DAZAP1: variants seen among roughly 807,000 people sequenced by gnomAD.
DAZAP1 encodes the protein DAZ-associated protein 1.
Under a neutral mutation model 60.1 loss-of-function variants are expected in DAZAP1, and 6 were observed. That is an observed-to-expected ratio of 0.10 (90% CI 0.05 to 0.20). The LOEUF (loss-of-function observed/expected upper bound fraction) is 0.20, where lower values mean the gene tolerates loss of function less well. DAZAP1 is among the 10% of genes least tolerant of loss of function. The pLI, the probability that DAZAP1 is intolerant of heterozygous loss-of-function variation, is 1.00. For synonymous variants in DAZAP1, 235 were observed against 215.9 expected (o/e 1.09, Z -0.78); for missense variants, 366 against 560.4 (o/e 0.65, Z 3.50).
chr19:1,428,867 G>C lies in DAZAP1; in HGVS notation c.572G>C (p.Arg191Pro). Reference protein sequence around the residue: ...KKVEVKRAEPRDSKSQAPGQP... With the variant: ...KKVEVKRAEPPDSKSQAPGQP... ...GTGGAAGTTAAACGAGCTGAGCCTC[G>C]GGACAGCAAGAGCCAAGCGCCGGGA... is the stretch of plus-strand genomic sequence containing the variant. The change falls in exon 8 of 12, where the codon CGG (arginine) becomes CCG (proline). Residue 191 changes from arginine to proline, a missense_variant. Physicochemically the swap from Arg to Pro is moderately radical, Grantham distance 103. Around this residue, in one of 3 missense-constraint regions of DAZAP1, gnomAD observed 240 missense variants for 308.8 expected, o/e 0.78. Coordinates refer to ENST00000233078, the MANE Select transcript of DAZAP1 (RefSeq NM_018959.4). This position sits in a 1 kb window ranked among gnomAD's most constrained non-coding sequence, Gnocchi z 4.0. The C allele has an allele frequency of 6.2e-7, 1 of 1,613,046 alleles. No individual in the cohort carries two copies. The highest frequency in any genetic ancestry group is 8.5e-7 in the Non-Finnish European group (1 of 1,179,878).
Position 1,418,223 on chromosome 19 carries a change from T to C in DAZAP1, c.90T>C (p.Phe30=). The C allele has an allele frequency of 6.2e-7, 1 of 1,614,176 alleles. No individual in the cohort carries two copies. Among genetic ancestry groups the C allele is most frequent in the Non-Finnish European group, 8.5e-7 (1 of 1,179,994 alleles). ...GAGCAGAGACTCTGCGCAGCTACTT[T>C]TCCCAATATGGAGAAGTCGTAGATT... ...STTQETLRSY[F]SQYGEVVDCV... Residue 30 remains phenylalanine (F), a synonymous_variant, in exon 3 of 12, where the codon TTT becomes TTC. Transcript: ENST00000233078. This position sits in a 1 kb window ranked among gnomAD's most constrained non-coding sequence, Gnocchi z 5.7.
rs3065755 is a variant in DAZAP1, at chr19:1,413,989, CTGTGTGTGTGTGTGTGTG to C, written c.30-3485_30-3468del. 2.7e-3 allele frequency among the ~76,000 whole-genome samples: 356 copies of C among 130,156 alleles called. 1 individual carries two copies. The highest frequency in any genetic ancestry group is 8.8e-3 in the African/African-American group (298 of 33,972). 85.4% of individuals were successfully genotyped at this position (130,156 alleles called of 152,430 possible). A position where few individuals can be genotyped will look rare whatever the true frequency, so the allele number is the denominator to read the frequency against. Reference sequence around the variant, plus strand: ...TGCCTCTTGCCCCACCCCCAGTGAACTGTGTGTGTGTGTGTGTGTGTGTGTGTGTGTGTGTGTGTGTGT... The same window carrying C: ...TGCCTCTTGCCCCACCCCCAGTGAACTGTGTGTGTGTGTGTGTGTGTGTGT... On this transcript the variant is annotated intron_variant, in intron 1 of 11. Transcript: ENST00000233078.
rs1168455091 is a variant in DAZAP1 at position 1,432,599 on chromosome 19, A to C, written c.957A>C (p.Ala319=). ...CTCCACCAGCCACTCCCGGGGCAGCACCTCTGGCTTTCCCACCGCCTCCGT... is the reference window on the plus strand; with the variant it reads ...CTCCACCAGCCACTCCCGGGGCAGCCCCTCTGGCTTTCCCACCGCCTCCGT... ...VPPPPATPGA[A]PLAFPPPPSQ... The change falls in exon 11 of 12, where the codon GCA becomes GCC. Residue 319 remains alanine (A), a synonymous_variant. Coordinates refer to ENST00000233078, the MANE Select transcript of DAZAP1 (RefSeq NM_018959.4). The surrounding 1 kb of genome is among the most constrained non-coding windows in gnomAD (Gnocchi z 4.9). 1 of 1,613,428 alleles carries C rather than the reference A, an allele frequency of 6.2e-7. No homozygotes were observed. Among genetic ancestry groups the C allele is most frequent in the South Asian group, 1.1e-5 (1 of 91,058 alleles).
Position 1,434,922 on chromosome 19 carries a change from C to G in DAZAP1, c.*10C>G. On this transcript the variant is annotated 3_prime_UTR_variant, in exon 12 of 12. Transcript: ENST00000233078. The surrounding 1 kb of genome is among the most constrained non-coding windows in gnomAD (Gnocchi z 8.0). Reference sequence around the variant, plus strand: ...CCCCTACCGACGCTAGCCCGCGGCGCCGCGACGTCTGCACGGCCCAGACCC... The same window carrying G: ...CCCCTACCGACGCTAGCCCGCGGCGGCGCGACGTCTGCACGGCCCAGACCC... The G allele has an allele frequency of 7.0e-7, 1 of 1,432,196 alleles. No individual in the cohort carries two copies. Among genetic ancestry groups the G allele is most frequent in the East Asian group, 2.9e-5 (1 of 34,666 alleles). The allele number at this position is 1,432,196 out of a possible 1,614,324, so 88.7% of individuals were successfully genotyped here.
At chr19:1,429,798 G>A (rs963885302) in intron 8 of DAZAP1, among the ~76,000 whole-genome samples, 169 bp from the exon 9 acceptor site, 6 of 152,204 alleles carry the variant, frequency 3.9e-5, no homozygotes, top group African/African-American at 1.4e-4. Context: ...GGTGGGGAGT[G>A]CTTCTCTGCT....
chr19:1,414,845 A>G (rs947736690), intron 1 of DAZAP1, among the ~76,000 whole-genome samples: 2 of 151,490 alleles, frequency 1.3e-5, no homozygotes, highest in African/African-American at 4.9e-5. Flanking sequence ...ATTTTATTTA[A>G]GAGATGAGAT....
At chr19:1,409,409 C>T (rs1407813784) in intron 1 of DAZAP1, among the ~76,000 whole-genome samples, 2 of 152,200 alleles carry the variant, frequency 1.3e-5, no homozygotes, top group Admixed American at 6.5e-5. Flanking sequence ...TGCATGGACA[C>T]CCTTGGGAAG....
At chr19:1,417,104 A>C (rs1569054012) in intron 1 of DAZAP1, 3 of 244,426 alleles carry the variant, frequency 1.2e-5, no homozygotes, top group South Asian at 1.2e-4. Flanking sequence ...ATCATTTCAG[A>C]TGTAGACTTC....
intron 7 of DAZAP1, chr19:1,427,676 T>C (rs1409332171): frequency 1.3e-5 from 2 of 152,246 alleles, no homozygotes; most frequent in East Asian, 1.9e-4. Context: ...ACTCGCTCAT[T>C]TGAGTTCTTT....
intron 10 of DAZAP1, chr19:1,431,994 G>A: frequency 6.0e-6 from 1 of 167,196 alleles, no homozygotes; most frequent in Non-Finnish European, 1.3e-5. Flanking sequence ...TCTGCACACG[G>A]AGGCCTGTGG....
chr19:1,407,858 CCGCCGCCCGGCCTCAGA>C lies in DAZAP1; in HGVS notation c.29+65_29+81del, dbSNP rs1257077353. ...CGCCCCGAGCCCGGCCCGCCGCTCC[CCGCCGCCCGGCCTCAGA>C]CGCCGCCCCCCGGGGCCGCCCCGTC... On this transcript the variant is annotated intron_variant, in intron 1 of 11. Coordinates refer to ENST00000233078, the MANE Select transcript of DAZAP1 (RefSeq NM_018959.4). 16 of 1,052,798 alleles carry C rather than the reference CCGCCGCCCGGCCTCAGA, an allele frequency of 1.5e-5. No homozygotes were observed. In the South Asian group the frequency reaches 1.8e-4, roughly 12 times the overall value. 65.2% of individuals were successfully genotyped at this position (1,052,798 alleles called of 1,614,324 possible). A position where few individuals can be genotyped will look rare whatever the true frequency, so the allele number is the denominator to read the frequency against.
chr19:1,424,188 G>C (rs1057068854), intron 6 of DAZAP1, among the ~76,000 whole-genome samples: 2 of 151,976 alleles, frequency 1.3e-5, no homozygotes, highest in African/African-American at 4.8e-5. Flanking sequence ...GTCCCTGCTT[G>C]GCCCTCCCAC....
rs574276850 is a variant in DAZAP1, at chr19:1,408,471, AG to A, written c.29+672del. 2.4e-3 allele frequency among the ~76,000 whole-genome samples: 367 copies of A among 152,252 alleles called. 5 individuals are homozygous for A. The highest frequency in any genetic ancestry group is 8.5e-3 in the African/African-American group (354 of 41,548). On this transcript the variant is annotated intron_variant, in intron 1 of 11. Transcript: ENST00000233078. Reference sequence around the variant, plus strand: ...GCGGCGCACGTGGCGAGCCGAGGCGAGGGTTCCGGTTCTGCCACCGCCCAAC... The same window carrying A: ...GCGGCGCACGTGGCGAGCCGAGGCGAGGTTCCGGTTCTGCCACCGCCCAAC...
intron 4 of DAZAP1, 34 bp from the exon 5 acceptor site, chr19:1,421,114 C>G (rs549477640): frequency 6.2e-7 from 1 of 1,600,870 alleles, no homozygotes. Context: ...GGAGGGTTCC[C>G]GTGTGAACTA....
rs968640634 is a variant in DAZAP1 at position 1,433,330 on chromosome 19, G to A, written c.1048+640G>A. The stretch of plus-strand genomic sequence containing the variant: ...CAGCAGCCTTGCTCAGGACCAACGC[G>A]GTGGCCTCAGTGGGCAGGGCTCCAA... On this transcript the variant is annotated intron_variant, in intron 11 of 11. Coordinates refer to ENST00000233078, the MANE Select transcript of DAZAP1 (RefSeq NM_018959.4). This position sits in a 1 kb window ranked among gnomAD's most constrained non-coding sequence, Gnocchi z 6.1. 11 of 249,996 alleles carry A rather than the reference G, an allele frequency of 4.4e-5. No individual in the cohort carries two copies. In the East Asian group the frequency reaches 9.2e-4, roughly 21 times the overall value. 15.5% of individuals were successfully genotyped at this position (249,996 alleles called of 1,614,324 possible). A position where few individuals can be genotyped will look rare whatever the true frequency, so the allele number is the denominator to read the frequency against.
intron 5 of DAZAP1, among the ~76,000 whole-genome samples, 198 bp downstream of exon 5, chr19:1,421,456 G>T (rs2083153871): frequency 6.6e-6 from 1 of 152,288 alleles, no homozygotes; most frequent in Non-Finnish European, 1.5e-5. Flanking sequence ...GCCATTTCGT[G>T]TCCCAGTAGG....
In DAZAP1 at chr19:1,416,930, G is replaced by C; in HGVS notation, c.30-570G>C. On this transcript the variant is annotated intron_variant, in intron 1 of 11. Transcript: ENST00000233078. This position sits in a 1 kb window ranked among gnomAD's most constrained non-coding sequence, Gnocchi z 4.3. ...CGGGTTTGTCGGGGGTAAGTAAGTG[G>C]GGCCAGTGCTGAGACTGGAGCTTCA... The C allele has an allele frequency of 6.5e-6, 1 of 154,852 alleles. No homozygotes were observed. The highest frequency in any genetic ancestry group is 1.4e-5 in the Non-Finnish European group (1 of 69,688). The allele number at this position is 154,852 out of a possible 1,614,324, so 9.6% of individuals were successfully genotyped here. A position where few individuals can be genotyped will look rare whatever the true frequency, so the allele number is the denominator to read the frequency against.
At position 1,423,856 on chromosome 19, in the gene DAZAP1, G is replaced by A. The variant is rs199534001; in HGVS notation, c.463+1460G>A. On this transcript the variant is annotated intron_variant, in intron 6 of 11. Coordinates refer to ENST00000233078, the MANE Select transcript of DAZAP1 (RefSeq NM_018959.4). The surrounding 1 kb of genome is among the most constrained non-coding windows in gnomAD (Gnocchi z 6.8). Reference sequence around the variant, plus strand: ...GCGTCCTGTCCTGTCCCGTGTGGACGGGACGTGGCGAGTGTCGCTGAGTCC... The same window carrying A: ...GCGTCCTGTCCTGTCCCGTGTGGACAGGACGTGGCGAGTGTCGCTGAGTCC... 2.0e-5 allele frequency among the ~76,000 whole-genome samples: 3 copies of A among 152,346 alleles called. No individual in the cohort carries two copies. The highest frequency in any genetic ancestry group is 2.1e-4 in the South Asian group (1 of 4,834).
rs1413706073 is a variant in DAZAP1 at position 1,418,830 on chromosome 19, G to A, written c.303+99G>A. On this transcript the variant is annotated intron_variant, in intron 4 of 11. Coordinates refer to ENST00000233078, the MANE Select transcript of DAZAP1 (RefSeq NM_018959.4). This position sits in a 1 kb window ranked among gnomAD's most constrained non-coding sequence, Gnocchi z 5.7. ...TGCTGTTGTCGCTCGTTAAGATTGA[G>A]GGCGACGCAGGTCTTCTGGGTTGGC... 1 of 1,245,020 alleles carries A rather than the reference G, an allele frequency of 8.0e-7. No individual in the cohort carries two copies. The highest frequency in any genetic ancestry group is 2.4e-5 in the Admixed American group (1 of 42,360). The allele number at this position is 1,245,020 out of a possible 1,614,324, so 77.1% of individuals were successfully genotyped here. A position where few individuals can be genotyped will look rare whatever the true frequency, so the allele number is the denominator to read the frequency against.
Sources: gnomAD v4.1 joint callset for allele counts (sites outside exome capture counted in the v4.1 genomes callset) on GRCh38, gnomAD v4.1.1 for gene constraint, gnomAD v4.1.1 regional missense constraint, Gnocchi (gnomAD v3.1) non-coding constraint, MANE v1.5 for transcripts, NCBI Gene and HGNC (gene_info 2026-07-23, HGNC 2026-07-21) for gene names.